FHIT: variants seen among roughly 807,000 people sequenced by gnomAD.
The protein encoded by FHIT is fragile histidine triad diadenosine triphosphatase.
A neutral mutation model predicts 17.9 loss-of-function variants in FHIT; 19 were observed. The observed-to-expected ratio is 1.06, with a 90% CI of 0.74 to 1.56. The LOEUF is 1.56. Among genes scored for constraint, FHIT ranks in the 40% most tolerant of loss-of-function variants. FHIT has a pLI of 0.00. For missense variants in FHIT, 248 were observed against 189.2 expected (o/e 1.31, Z -1.82); for synonymous variants, 81 against 69.7 (o/e 1.16, Z -0.81).
intron 8 of FHIT, among the ~76,000 whole-genome samples, chr3:59,755,233 G>A (rs1281763071): frequency 3.3e-5 from 5 of 152,178 alleles, no homozygotes; most frequent in African/African-American, 1.2e-4. Context: ...TGGCCTACAA[G>A]GCTTGTCTTA....
At chr3:60,464,982 T>A (rs1478703847) in intron 5 of FHIT, among the ~76,000 whole-genome samples, 1 of 152,168 alleles carries the variant, frequency 6.6e-6, no homozygotes, top group Admixed American at 6.5e-5. Context: ...CAACAATGTA[T>A]GAGAGTTCAC....
chr3:61,176,502 T>C (rs977347991), intron 2 of FHIT, among the ~76,000 whole-genome samples: 1 of 152,230 alleles, frequency 6.6e-6, no homozygotes, highest in Non-Finnish European at 1.5e-5. Flanking sequence ...AGAGAAGTTA[T>C]GTATCCTGGA....
At chr3:59,987,404 C>G (rs1221770586) in intron 7 of FHIT, among the ~76,000 whole-genome samples, 1 of 151,748 alleles carries the variant, frequency 6.6e-6, no homozygotes, top group Non-Finnish European at 1.5e-5. Context: ...ATGTGTTTCT[C>G]TAAAGAGTTT....
chr3:60,198,784 A>C (rs569743467), intron 5 of FHIT, among the ~76,000 whole-genome samples: 3 of 152,246 alleles, frequency 2.0e-5, no homozygotes, highest in Non-Finnish European at 4.4e-5. Context: ...AATTCTTCAT[A>C]TTTGAATGGA....
chr3:60,304,328 A>C (rs1056723913), intron 5 of FHIT, among the ~76,000 whole-genome samples: 1 of 152,076 alleles, frequency 6.6e-6, no homozygotes, highest in Non-Finnish European at 1.5e-5. Context: ...TACTTTTAGC[A>C]GATCTCTACC....
intron 7 of FHIT, among the ~76,000 whole-genome samples, chr3:60,006,892 GCTTC>G (rs1328047255): frequency 6.6e-6 from 1 of 152,122 alleles, no homozygotes; most frequent in African/African-American, 2.4e-5. Context: ...GAACAGAAGA[GCTTC>G]CTTTTTATCT....
chr3:60,372,790 T>A (rs868844655), intron 5 of FHIT, among the ~76,000 whole-genome samples: 50 of 152,176 alleles, frequency 3.3e-4, no homozygotes, highest in African/African-American at 9.9e-4. Flanking sequence ...ACTTTTTTTT[T>A]AAAATGTATT....
chr3:60,951,729 G>T (rs1708893395), intron 3 of FHIT, among the ~76,000 whole-genome samples: 1 of 152,216 alleles, frequency 6.6e-6, no homozygotes, highest in South Asian at 2.1e-4. Flanking sequence ...AAACTCTGGT[G>T]AGAGTATTTA....
chr3:60,563,201 T>C (rs1236172622), intron 4 of FHIT, among the ~76,000 whole-genome samples: 5 of 151,796 alleles, frequency 3.3e-5, no homozygotes. Context: ...GGGACTTGAG[T>C]TGGTGAGGCA....
chr3:61,146,866 G>A (rs1172998341), intron 2 of FHIT, among the ~76,000 whole-genome samples: 1 of 151,980 alleles, frequency 6.6e-6, no homozygotes, highest in Non-Finnish European at 1.5e-5. Context: ...GAAACACTTT[G>A]GTGTGGAATT....
intron 2 of FHIT, among the ~76,000 whole-genome samples, chr3:61,090,158 T>C (rs1245031583): frequency 6.6e-6 from 1 of 152,242 alleles, no homozygotes; most frequent in Non-Finnish European, 1.5e-5. Context: ...AATGATAGTT[T>C]TCTTCATTCA....
chr3:59,852,845 T>C (rs1481843725), intron 8 of FHIT, among the ~76,000 whole-genome samples: 1 of 152,194 alleles, frequency 6.6e-6, no homozygotes, highest in Non-Finnish European at 1.5e-5. Context: ...TGTCTCTTCA[T>C]GGATTGATAG....
rs968305676 is a variant in FHIT, at chr3:60,170,396, C to A, written c.104-156244G>T. On this transcript the variant is annotated intron_variant, in intron 5 of 9. Transcript: ENST00000492590. ...ATCCCCACTATTTGAGCCAATAACT[C>A]CTCCTGTTGGCTGAAGTTACTTTGA... Among the ~76,000 whole-genome samples the A allele has an allele frequency of 3.9e-5, 6 of 152,104 alleles. No homozygotes were observed. The East Asian group carries it at 5.8e-4, about 15-fold the overall frequency.
intron 5 of FHIT, among the ~76,000 whole-genome samples, chr3:60,316,741 T>G (rs926044828): frequency 2.6e-5 from 4 of 152,240 alleles, no homozygotes; most frequent in Non-Finnish European, 4.4e-5. Flanking sequence ...ATTTTACATA[T>G]GGCAAACCAT....
chr3:61,139,802 G>T (rs528528207), intron 2 of FHIT, among the ~76,000 whole-genome samples: 1 of 152,026 alleles, frequency 6.6e-6, no homozygotes, highest in South Asian at 2.1e-4. Context: ...AAGGAATGCT[G>T]GTACTTTAAG....
chr3:60,703,161 T>G (rs2107914491), intron 4 of FHIT, among the ~76,000 whole-genome samples: 1 of 152,272 alleles, frequency 6.6e-6, no homozygotes, highest in South Asian at 2.1e-4. Context: ...GAATACCATG[T>G]GATAAAGGAG....
chr3:60,119,727 C>T (rs9852972), intron 5 of FHIT, among the ~76,000 whole-genome samples: 36,753 of 151,962 alleles, frequency 0.24, 5,488 homozygotes, highest in Non-Finnish European at 0.34. Flanking sequence ...GTACTGGTGA[C>T]TCAATTTCTA....
At chr3:60,436,881 C>T (rs1235206888) in intron 5 of FHIT, among the ~76,000 whole-genome samples, 3 of 151,968 alleles carry the variant, frequency 2.0e-5, no homozygotes, top group Admixed American at 6.6e-5. Context: ...CTAGGAAAAA[C>T]ATTATTGGTC....
chr3:60,001,307 A>T (rs1699721017), intron 7 of FHIT, among the ~76,000 whole-genome samples: 1 of 152,162 alleles, frequency 6.6e-6, no homozygotes, highest in Admixed American at 6.5e-5. Flanking sequence ...TAACTATAGA[A>T]TTTCTACAAC....
Sources: allele counts gnomAD v4.1 joint callset (sites outside exome capture counted in the v4.1 genomes callset), GRCh38; gene constraint gnomAD v4.1.1; transcripts MANE v1.5; gene names NCBI Gene and HGNC (gene_info 2026-07-23, HGNC 2026-07-21).